The following GALNT18 variants were observed in gnomAD, a reference collection of about 807,000 sequenced individuals.
GALNT18 encodes GalNAc-transferase 18.
GALNT18 carries 44 observed loss-of-function variants against 69.5 expected under a neutral mutation model. The ratio of observed to expected loss-of-function variants is 0.63; its 90% confidence interval spans 0.50 to 0.81. The LOEUF is 0.81. Ranked by LOEUF, GALNT18 falls within the 40% of genes least tolerant of loss-of-function variation. The pLI, the probability that GALNT18 is intolerant of heterozygous loss-of-function variation, is 0.00. For missense variants in GALNT18, 715 were observed against 810.0 expected, an observed-to-expected ratio of 0.88 and a Z score of 1.42; for synonymous variants, 364 against 318.2, an observed-to-expected ratio of 1.14 and a Z score of -1.53.
chr11:11,353,227 A>G, intron 6 of GALNT18: 1 of 1,389,178 alleles, frequency 7.2e-7, no homozygotes, highest in South Asian at 1.2e-5. Flanking sequence ...TGTTTTCTTC[A>G]CACTGTGGTG....
intron 3 of GALNT18, among the ~76,000 whole-genome samples, chr11:11,425,586 G>C (rs1049528963): frequency 2.6e-5 from 4 of 152,194 alleles, no homozygotes; most frequent in Admixed American, 1.3e-4. Flanking sequence ...AGTTCAAAAA[G>C]GAAGCAGAAA....
intron 1 of GALNT18, among the ~76,000 whole-genome samples, chr11:11,560,116 C>T (rs1278236187): frequency 0.068 from 173 of 2,548 alleles, no homozygotes; most frequent in African/African-American, 0.091. Context: ...GAATAAGATA[C>T]AATGGGATGG....
chr11:11,311,723 G>T (rs927384891), intron 9 of GALNT18, among the ~76,000 whole-genome samples: 1 of 152,126 alleles, frequency 6.6e-6, no homozygotes, highest in Non-Finnish European at 1.5e-5. Context: ...CATCTCTCAA[G>T]CTCCCATCCC....
intron 2 of GALNT18, among the ~76,000 whole-genome samples, chr11:11,433,562 T>C (rs1389527779): frequency 6.6e-6 from 1 of 152,198 alleles, no homozygotes; most frequent in Non-Finnish European, 1.5e-5. Context: ...AACTGGCCCA[T>C]TTCCCCTTAG....
At chr11:11,427,263 G>A (rs1855154844) in intron 3 of GALNT18, among the ~76,000 whole-genome samples, 1 of 152,204 alleles carries the variant, frequency 6.6e-6, no homozygotes, top group Non-Finnish European at 1.5e-5. Context: ...TCAGTCCCTG[G>A]CTTCTGAGCG....
intron 9 of GALNT18, among the ~76,000 whole-genome samples, chr11:11,303,286 C>T (rs1341832468): frequency 6.6e-6 from 1 of 152,172 alleles, no homozygotes; most frequent in Admixed American, 6.5e-5. Flanking sequence ...ATATTCCCTA[C>T]AGGCCTCCAG....
chr11:11,360,469 TTCA>T (rs1850621368), intron 6 of GALNT18, among the ~76,000 whole-genome samples: 1 of 152,260 alleles, frequency 6.6e-6, no homozygotes, highest in South Asian at 2.1e-4. Context: ...TTTGATTCTC[TTCA>T]TCGATTTTCT....
chr11:11,372,202 G>T lies in GALNT18; in HGVS notation c.1092+313C>A, dbSNP rs907171787. ...CCAGCCACTCTCGATGCCTGTTATT[G>T]CTTCCTAGAGCACACCTTTGCTCAC... On this transcript the variant is annotated intron_variant, in intron 6 of 10. Transcript: ENST00000227756. This position sits in a 1 kb window ranked among gnomAD's most constrained non-coding sequence, Gnocchi z 4.9. Among the ~76,000 whole-genome samples, 18 of 152,266 alleles carry T rather than the reference G, an allele frequency of 1.2e-4. No homozygotes were observed. The highest frequency in any genetic ancestry group is 4.3e-4 in the African/African-American group (18 of 41,538).
In GALNT18 at chr11:11,538,059, T is replaced by C. The variant is rs373902911; in HGVS notation, c.235+83300A>G. ...TGCCAGACACTGCTGAGTGTTTTAC[T>C]AATCTTATTTATGTTAACTCTTATC... is the stretch of plus-strand genomic sequence containing the variant. On this transcript the variant is annotated intron_variant, in intron 1 of 10. Coordinates refer to ENST00000227756, the MANE Select transcript of GALNT18 (RefSeq NM_198516.3). This position sits in a 1 kb window ranked among gnomAD's most constrained non-coding sequence, Gnocchi z 5.2. Among the ~76,000 whole-genome samples, 4 of 152,238 alleles carry C rather than the reference T, an allele frequency of 2.6e-5. No homozygotes were observed. Among genetic ancestry groups the C allele is most frequent in the African/African-American group, 9.6e-5 (4 of 41,460 alleles).
In GALNT18 at chr11:11,566,593, G is replaced by T. The variant is rs117494338; in HGVS notation, c.235+54766C>A. On this transcript the variant is annotated intron_variant, in intron 1 of 10. Coordinates refer to ENST00000227756, the MANE Select transcript of GALNT18 (RefSeq NM_198516.3). ...TAATGGCTGTAACTAATTCTCAAAT[G>T]GTTCAGGGAGATAACAAGTATATAT... 7.6e-4 allele frequency among the ~76,000 whole-genome samples: 115 copies of T among 152,294 alleles called. 4 individuals are homozygous for T. In the East Asian group the frequency reaches 0.02, roughly 27 times the overall value.
chr11:11,537,321 T>G (rs1857802899), intron 1 of GALNT18, among the ~76,000 whole-genome samples: 1 of 151,812 alleles, frequency 6.6e-6, no homozygotes, highest in Admixed American at 6.6e-5. Flanking sequence ...ATAAATATAT[T>G]GCTTTACCTT....
At chr11:11,327,908 C>T (rs1322859308) in intron 8 of GALNT18, among the ~76,000 whole-genome samples, 1 of 152,176 alleles carries the variant, frequency 6.6e-6, no homozygotes, top group Non-Finnish European at 1.5e-5. Flanking sequence ...CTGAGTGGAC[C>T]ATGGTGGGCA....
At chr11:11,335,230 G>C (rs141206541) in intron 7 of GALNT18, among the ~76,000 whole-genome samples, 2,265 of 152,276 alleles carry the variant, frequency 0.015, 24 homozygotes, top group African/African-American at 0.02. Flanking sequence ...AGATGAGAGA[G>C]GTACAATCCA....
At chr11:11,334,378 T>C (rs1464107361) in intron 7 of GALNT18, among the ~76,000 whole-genome samples, 1 of 151,806 alleles carries the variant, frequency 6.6e-6, no homozygotes, top group Non-Finnish European at 1.5e-5. Context: ...CCGTCTCTAC[T>C]AAAAATACAA....
chr11:11,419,376 C>A (rs1466068523), intron 3 of GALNT18, among the ~76,000 whole-genome samples: 1 of 151,774 alleles, frequency 6.6e-6, no homozygotes, highest in African/African-American at 2.4e-5. Context: ...GTGGGTGGAT[C>A]ACTTGAGGTC....
At chr11:11,524,813 G>T (rs1185813067) in intron 1 of GALNT18, among the ~76,000 whole-genome samples, 1 of 152,244 alleles carries the variant, frequency 6.6e-6, no homozygotes, top group African/African-American at 2.4e-5. Flanking sequence ...CAAACGAAAT[G>T]TATAAGTAAA....
At chr11:11,576,376 T>A (rs1196827543) in intron 1 of GALNT18, among the ~76,000 whole-genome samples, 1 of 152,196 alleles carries the variant, frequency 6.6e-6, no homozygotes, top group African/African-American at 2.4e-5. Flanking sequence ...CCAGCTATAG[T>A]AATTGCCCCA....
At position 11,523,181 on chromosome 11, in the gene GALNT18, A is replaced by C. The variant is rs912917522; in HGVS notation, c.236-74245T>G. Among the ~76,000 whole-genome samples, 1 of 152,166 alleles carries C rather than the reference A, an allele frequency of 6.6e-6. No individual in the cohort carries two copies. The highest frequency in any genetic ancestry group is 2.1e-4 in the South Asian group (1 of 4,828). On this transcript the variant is annotated intron_variant, in intron 1 of 10. Coordinates refer to ENST00000227756, the MANE Select transcript of GALNT18 (RefSeq NM_198516.3). This position sits in a 1 kb window ranked among gnomAD's most constrained non-coding sequence, Gnocchi z 4.3. ...GGTCTGCCTTCCAGTTTTGCCACCCACAGACATTATGAACTTGAGAAAGTC... is the reference window on the plus strand; with the variant it reads ...GGTCTGCCTTCCAGTTTTGCCACCCCCAGACATTATGAACTTGAGAAAGTC...
At chr11:11,276,054 T>C (rs898078288) in intron 10 of GALNT18, among the ~76,000 whole-genome samples, 1 of 152,234 alleles carries the variant, frequency 6.6e-6, no homozygotes, top group Admixed American at 6.5e-5. Flanking sequence ...AGTAGTTTTC[T>C]CTAACTCTGT....
Sources: allele counts gnomAD v4.1 joint callset (sites outside exome capture counted in the v4.1 genomes callset), GRCh38; gene constraint gnomAD v4.1.1; non-coding constraint Gnocchi (gnomAD v3.1); transcripts MANE v1.5; gene names NCBI Gene and HGNC (gene_info 2026-07-23, HGNC 2026-07-21).